Variants in ZNF2 observed in about 807,000 individuals in gnomAD.
ZNF2 encodes zinc finger protein 2.2.
ZNF2 carries 12 observed loss-of-function variants against 21.9 expected under a neutral mutation model. That is an observed-to-expected ratio of 0.55 (90% CI 0.35 to 0.89). ZNF2 has a LOEUF of 0.89. Ranked by LOEUF, ZNF2 falls within the 40% of genes least tolerant of loss-of-function variation. ZNF2 has a pLI of 0.01. For missense variants in ZNF2, 462 were observed against 544.2 expected (o/e 0.85, Z 1.50); for synonymous variants, 186 against 196.3 (o/e 0.95, Z 0.44).
chr2:95,182,163 G>A lies in ZNF2; in HGVS notation c.*57G>A, dbSNP rs369200778. 12 of 1,539,422 alleles carry A rather than the reference G, an allele frequency of 7.8e-6. No individual in the cohort carries two copies. Among genetic ancestry groups the A allele is most frequent in the African/African-American group, 4.1e-5 (3 of 72,938 alleles). On this transcript the variant is annotated 3_prime_UTR_variant, in exon 5 of 5. Transcript: ENST00000614034. Reference sequence around the variant, plus strand: ...TCCATACAAATTTGAGATAGATCTCGCCTGTCTTAAAGCTGCCATTTGCTC... The same window carrying A: ...TCCATACAAATTTGAGATAGATCTCACCTGTCTTAAAGCTGCCATTTGCTC...
intron 1 of ZNF2, 29 bp from the exon 2 acceptor site, chr2:95,176,155 CTTCT>C: frequency 6.3e-7 from 1 of 1,594,292 alleles, no homozygotes; most frequent in Non-Finnish European, 8.6e-7. Context: ...TTTCTCCTAC[CTTCT>C]TTCTCACCCC....
In ZNF2 at chr2:95,181,254, A is replaced by T; in HGVS notation, c.426A>T (p.Ser142=). 6.2e-7 allele frequency: 1 copy of T among 1,614,216 alleles called. No individual in the cohort carries two copies. Among genetic ancestry groups the T allele is most frequent in the Non-Finnish European group, 8.5e-7 (1 of 1,180,026 alleles). ...TGGGAACAGAAAAGCAAAGCCCTTC[A>T]GGGGAGACTCGTAAGAAATCCCTCT... ...GRMGTEKQSP[S]GETRKKSLSR... The change falls in exon 5 of 5, where the codon TCA becomes TCT. Residue 142 remains serine (S), a synonymous_variant. Coordinates refer to ENST00000614034, the MANE Select transcript of ZNF2 (RefSeq NM_021088.4).
chr2:95,183,315 A>G lies in ZNF2; in HGVS notation c.*1209A>G, dbSNP rs1305196639. On this transcript the variant is annotated 3_prime_UTR_variant, in exon 5 of 5. Transcript: ENST00000614034. ...ATTTTCTTAGACCCAGGCTTACATC[A>G]CTTCTGTCCACATCTAATAAGCCAG... The G allele has an allele frequency of 6.6e-6, 1 of 152,172 alleles. No individual in the cohort carries two copies. Among genetic ancestry groups the G allele is most frequent in the African/African-American group, 2.4e-5 (1 of 41,440 alleles). 9.4% of individuals were successfully genotyped at this position (152,172 alleles called of 1,614,324 possible).
At chr2:95,176,713 A>G (rs1674455254) in intron 2 of ZNF2, among the ~76,000 whole-genome samples, 1 of 152,168 alleles carries the variant, frequency 6.6e-6, no homozygotes, top group African/African-American at 2.4e-5. Context: ...TGTGCTAGAG[A>G]CTGTGTGGCT....
intron 3 of ZNF2, 121 bp from the exon 4 acceptor site, chr2:95,180,038 C>G: frequency 2.9e-6 from 2 of 678,212 alleles, no homozygotes; most frequent in Non-Finnish European, 5.2e-6. Context: ...GCCTGGGCGA[C>G]AGAGTGAGAT....
intron 1 of ZNF2, among the ~76,000 whole-genome samples, chr2:95,171,207 A>G (rs1299954360): frequency 1.3e-5 from 2 of 152,112 alleles, no homozygotes; most frequent in African/African-American, 4.8e-5. Flanking sequence ...GGGTCGGCTC[A>G]AATTCTGAAT....
In ZNF2 at chr2:95,180,185, A is replaced by G. The variant is rs200405610; in HGVS notation, c.187A>G (p.Ile63Val). 159 of 1,613,850 alleles carry G rather than the reference A, an allele frequency of 9.9e-5. 1 individual carries two copies. Among genetic ancestry groups the G allele is most frequent in the Non-Finnish European group, 9.3e-6 (11 of 1,179,954 alleles). The change falls in exon 4 of 5, where the codon ATT becomes GTT. Residue 63 changes from isoleucine (I) to valine (V), a missense_variant. Coordinates refer to ENST00000614034, the MANE Select transcript of ZNF2 (RefSeq NM_021088.4). ...CCTTCCAGTTCCTCAACCTGATGTG[A>G]TTTTCCAATTGAAGAGAGGGGACAA... is the stretch of plus-strand genomic sequence containing the variant. ...LGLPVPQPDV[I>V]FQLKRGDKPW...
Position 95,166,081 on chromosome 2 carries a change from C to T in ZNF2, c.-40+221C>T, listed in dbSNP as rs1467116262. 2.6e-5 allele frequency among the ~76,000 whole-genome samples: 4 copies of T among 152,100 alleles called. No homozygotes were observed. In the East Asian group the frequency reaches 7.7e-4, roughly 29 times the overall value. ...TGGGGTCTGGGCACCCATTGTATGT[C>T]GGTCCCGGACTTTAAGGTTGGAGGT... On this transcript the variant is annotated intron_variant, in intron 1 of 4. Transcript: ENST00000614034.
At chr2:95,178,347 C>A (rs1558714553) in intron 3 of ZNF2, among the ~76,000 whole-genome samples, 1 of 152,076 alleles carries the variant, frequency 6.6e-6, no homozygotes, top group Non-Finnish European at 1.5e-5. Context: ...AGATTTCCTA[C>A]GAGGCAGGTC....
chr2:95,179,670 C>T (rs1328030974), intron 3 of ZNF2, among the ~76,000 whole-genome samples: 2 of 152,220 alleles, frequency 1.3e-5, no homozygotes, highest in Non-Finnish European at 2.9e-5. Flanking sequence ...CCTTTTATAG[C>T]CTCAGTCCTG....
chr2:95,183,247 TCACCA>T lies in ZNF2; in HGVS notation c.*1144_*1148del, dbSNP rs2104513413. On this transcript the variant is annotated 3_prime_UTR_variant, in exon 5 of 5. Transcript: ENST00000614034. ...TATTTGGAACATCTGGCTTCCAAAG[TCACCA>T]CAAGGGCGGAAGAGAAAGCTAGAGG... The T allele has an allele frequency of 6.6e-6, 1 of 152,368 alleles. No individual in the cohort carries two copies. Among genetic ancestry groups the T allele is most frequent in the African/African-American group, 2.4e-5 (1 of 41,594 alleles). The allele number at this position is 152,368 out of a possible 1,614,324, so 9.4% of individuals were successfully genotyped here.
At chr2:95,171,839 G>T (rs1409520306) in intron 1 of ZNF2, among the ~76,000 whole-genome samples, 1 of 152,146 alleles carries the variant, frequency 6.6e-6, no homozygotes, top group Non-Finnish European at 1.5e-5. Flanking sequence ...CAGCCACTCA[G>T]TGTGGCGTGG....
chr2:95,175,081 C>T (rs886690840), intron 1 of ZNF2, among the ~76,000 whole-genome samples: 7 of 152,002 alleles, frequency 4.6e-5, no homozygotes, highest in African/African-American at 7.3e-5. Context: ...CTATGTTGCC[C>T]AGGCTGGTCT....
chr2:95,181,938 A>G lies in ZNF2; in HGVS notation c.1110A>G (p.Glu370=), dbSNP rs2104511641. ...QKIHTGDKPY[E]CSECGKAFSQ... ...TCCACACTGGAGACAAGCCATATGA[A>G]TGCAGCGAATGCGGGAAAGCCTTTA... The change falls in exon 5 of 5, where the codon GAA becomes GAG. Residue 370 remains glutamate, a synonymous_variant. Transcript: ENST00000614034. 3 of 1,614,270 alleles carry G rather than the reference A, an allele frequency of 1.9e-6. No homozygotes were observed. In the East Asian group the frequency reaches 6.7e-5, roughly 36 times the overall value.
rs1278062358 is a variant in ZNF2 at position 95,183,598 on chromosome 2, C to A, written c.*1492C>A. On this transcript the variant is annotated 3_prime_UTR_variant, in exon 5 of 5. Coordinates refer to ENST00000614034, the MANE Select transcript of ZNF2 (RefSeq NM_021088.4). ...CCTGACTCCAAAAACTCTTCTCTTC[C>A]CTGGGCCCAGTCCTATTTTTTTTTT... 1 of 151,456 alleles carries A rather than the reference C, an allele frequency of 6.6e-6. No homozygotes were observed. Among genetic ancestry groups the A allele is most frequent in the East Asian group, 1.9e-4 (1 of 5,160 alleles). The allele number at this position is 151,456 out of a possible 1,614,324, so 9.4% of individuals were successfully genotyped here.
rs1674721090 is a variant in ZNF2 at position 95,182,729 on chromosome 2, AT to A, written c.*625del. On this transcript the variant is annotated 3_prime_UTR_variant, in exon 5 of 5. Transcript: ENST00000614034. ...GATGAGCACCCTGAGGTTTAGAGAG[AT>A]TAAATCACTTGCCCAAGGTGAACCA... The A allele has an allele frequency of 6.6e-6, 1 of 152,660 alleles. No individual in the cohort carries two copies. The highest frequency in any genetic ancestry group is 6.5e-5 in the Admixed American group (1 of 15,284). The allele number at this position is 152,660 out of a possible 1,614,324, so 9.5% of individuals were successfully genotyped here. A position where few individuals can be genotyped will look rare whatever the true frequency, so the allele number is the denominator to read the frequency against.
At chr2:95,178,727 A>G (rs1383107505) in intron 3 of ZNF2, among the ~76,000 whole-genome samples, 1 of 152,240 alleles carries the variant, frequency 6.6e-6, no homozygotes, top group Non-Finnish European at 1.5e-5. Context: ...CTAAGGAAAT[A>G]ATAGGACTAG....
chr2:95,171,772 C>A (rs1411529694), intron 1 of ZNF2, among the ~76,000 whole-genome samples: 1 of 152,214 alleles, frequency 6.6e-6, no homozygotes, highest in South Asian at 2.1e-4. Context: ...AATTATAACA[C>A]TCTCCTCAAT....
At chr2:95,174,526 G>T (rs1674378467) in intron 1 of ZNF2, among the ~76,000 whole-genome samples, 2 of 152,120 alleles carry the variant, frequency 1.3e-5, no homozygotes, top group African/African-American at 4.8e-5. Context: ...GTAAAGACCT[G>T]CCTCCTTCTT....
Sources: allele counts gnomAD v4.1 joint callset (sites outside exome capture counted in the v4.1 genomes callset), GRCh38; gene constraint gnomAD v4.1.1; transcripts MANE v1.5; gene names NCBI Gene and HGNC (gene_info 2026-07-23, HGNC 2026-07-21).